Variants in CCDC7 observed in about 807,000 individuals in gnomAD.
CCDC7 encodes coiled-coil domain-containing protein 7.
A neutral mutation model predicts 196.9 loss-of-function variants in CCDC7; 183 were observed. The observed-to-expected ratio is 0.93, with a 90% CI of 0.82 to 1.05. The LOEUF (loss-of-function observed/expected upper bound fraction) is 1.05. Among genes scored for constraint, CCDC7 ranks in the 50% least tolerant of loss-of-function variants. The probability of loss-of-function intolerance (pLI) is 0.00; values close to 1 mark genes in which losing one functional copy is unlikely to be tolerated. For missense variants in CCDC7, 1,540 were observed against 1,482.2 expected, an observed-to-expected ratio of 1.04 and a Z score of -0.64; for synonymous variants, 525 against 484.6, an observed-to-expected ratio of 1.08 and a Z score of -1.10.
At chr10:32,662,284 C>A (rs1284365379) in intron 20 of CCDC7, among the ~76,000 whole-genome samples, 2 of 152,156 alleles carry the variant, frequency 1.3e-5, no homozygotes, top group South Asian at 4.1e-4. Flanking sequence ...TCTTCAGTGC[C>A]TCTTTCAACA....
chr10:32,532,683 G>T (rs1344774858), intron 11 of CCDC7, among the ~76,000 whole-genome samples: 1 of 152,104 alleles, frequency 6.6e-6, no homozygotes, highest in Non-Finnish European at 1.5e-5. Context: ...GATATTTATA[G>T]TTGCTACATG....
intron 8 of CCDC7, 95 bp from the exon 10 acceptor site, chr10:32,491,827 T>G (rs2042201132): frequency 2.5e-6 from 3 of 1,213,968 alleles, no homozygotes; most frequent in East Asian, 2.8e-5. Flanking sequence ...TTTATGTTTG[T>G]TTAGCTTTCA....
intron 9 of CCDC7, among the ~76,000 whole-genome samples, chr10:32,505,569 A>G (rs958854361): frequency 6.6e-6 from 1 of 152,104 alleles, no homozygotes; most frequent in African/African-American, 2.4e-5. Context: ...GGAGTCTCCT[A>G]TGTCTACTTC....
At chr10:32,824,123 T>G (rs1179319261) in intron 31 of CCDC7, among the ~76,000 whole-genome samples, 2 of 152,120 alleles carry the variant, frequency 1.3e-5, no homozygotes, top group African/African-American at 4.8e-5. Flanking sequence ...GATATACCCC[T>G]ACAACATATA....
At chr10:32,481,543 G>A (rs182555109) in intron 8 of CCDC7, among the ~76,000 whole-genome samples, 125 of 152,162 alleles carry the variant, frequency 8.2e-4, no homozygotes, top group African/African-American at 3.0e-3. Context: ...TTATTCTGTA[G>A]ACATAAGTGA....
At chr10:32,584,926 G>T (rs986558363) in intron 18 of CCDC7, among the ~76,000 whole-genome samples, 2 of 151,966 alleles carry the variant, frequency 1.3e-5, no homozygotes, top group Admixed American at 6.6e-5. Flanking sequence ...GAGCATAGCA[G>T]GAAAAAAGAT....
At chr10:32,750,194 A>T (rs2075439522) in intron 28 of CCDC7, among the ~76,000 whole-genome samples, 1 of 152,184 alleles carries the variant, frequency 6.6e-6, no homozygotes, top group African/African-American at 2.4e-5. Flanking sequence ...AATGTAAGAC[A>T]TGTAACCATA....
intron 24 of CCDC7, among the ~76,000 whole-genome samples, chr10:32,709,517 T>C (rs1358006183): frequency 2.0e-5 from 3 of 152,022 alleles, no homozygotes; most frequent in African/African-American, 7.2e-5. Flanking sequence ...AAAACCTAGA[T>C]CTTTCAGATG....
intron 29 of CCDC7, among the ~76,000 whole-genome samples, chr10:32,783,003 A>G (rs1174975518): frequency 3.9e-5 from 6 of 152,218 alleles, no homozygotes; most frequent in Admixed American, 1.3e-4. Flanking sequence ...CTTACATTAT[A>G]TACAAAAATT....
intron 31 of CCDC7, among the ~76,000 whole-genome samples, chr10:32,823,207 A>G (rs896109248): frequency 1.3e-5 from 2 of 151,944 alleles, no homozygotes; most frequent in African/African-American, 2.4e-5. Context: ...CAGTGATGCA[A>G]TCTTGGCTCA....
chr10:32,607,190 T>C (rs2061640554), intron 18 of CCDC7, among the ~76,000 whole-genome samples: 1 of 152,178 alleles, frequency 6.6e-6, no homozygotes, highest in South Asian at 2.1e-4. Flanking sequence ...TCTGCCATGA[T>C]TGTAAGCAGC....
chr10:32,564,836 G>A (rs1467449807), intron 13 of CCDC7, among the ~76,000 whole-genome samples: 1 of 152,092 alleles, frequency 6.6e-6, no homozygotes, highest in Non-Finnish European at 1.5e-5. Context: ...TTGGCTGGGT[G>A]TGTGGTGGCT....
chr10:32,822,185 A>G (rs898044421), intron 31 of CCDC7, among the ~76,000 whole-genome samples: 1 of 152,188 alleles, frequency 6.6e-6, no homozygotes, highest in African/African-American at 2.4e-5. Flanking sequence ...AAGCCCCCTA[A>G]AAAAGGTATG....
intron 16 of CCDC7, among the ~76,000 whole-genome samples, chr10:32,576,272 C>T (rs1231350245): frequency 6.7e-6 from 1 of 148,676 alleles, no homozygotes; most frequent in African/African-American, 2.5e-5. Context: ...GTTGTGTGTT[C>T]CCATGCACTG....
chr10:32,511,263 G>GGC (rs2046111478), intron 9 of CCDC7: 28 of 591,094 alleles, frequency 4.7e-5, no homozygotes, highest in Admixed American at 6.4e-5. Context: ...GTGGGGGGCG[G>GGC]GGGGGGCGGG....
At chr10:32,647,749 C>T (rs1397250618) in intron 20 of CCDC7, among the ~76,000 whole-genome samples, 1 of 152,112 alleles carries the variant, frequency 6.6e-6, no homozygotes, top group Non-Finnish European at 1.5e-5. Flanking sequence ...AGACATAGTT[C>T]ATGAATACTT....
chr10:32,793,727 T>C (rs1356886013), intron 29 of CCDC7, among the ~76,000 whole-genome samples: 1 of 152,200 alleles, frequency 6.6e-6, no homozygotes, highest in Non-Finnish European at 1.5e-5. Flanking sequence ...TTTCCAAGGT[T>C]TGTCATATTA....
chr10:32,743,655 T>C (rs1413346299), intron 28 of CCDC7, among the ~76,000 whole-genome samples: 4 of 152,136 alleles, frequency 2.6e-5, no homozygotes, highest in Non-Finnish European at 5.9e-5. Context: ...ACCCAAAGGA[T>C]TATAAATGAT....
intron 32 of CCDC7, among the ~76,000 whole-genome samples, chr10:32,828,416 G>GAGA (rs1555179191): frequency 3.0e-5 from 3 of 100,658 alleles, no homozygotes; most frequent in African/African-American, 4.0e-5. Flanking sequence ...GAAGGAGAAG[G>GAGA]AGAAGAAGAA....
Sources: allele counts gnomAD v4.1 joint callset (sites outside exome capture counted in the v4.1 genomes callset), GRCh38; gene constraint gnomAD v4.1.1; transcripts MANE v1.5; gene names NCBI Gene and HGNC (gene_info 2026-07-23, HGNC 2026-07-21).